TBL1X: variants seen among roughly 807,000 people sequenced by gnomAD.
TBL1X encodes F-box-like/WD repeat-containing protein TBL1X.
TBL1X carries 10 observed loss-of-function variants against 50.7 expected under a neutral mutation model. The observed-to-expected ratio is 0.20, with a 90% CI of 0.12 to 0.33. TBL1X has a LOEUF of 0.33. Ranked by LOEUF, TBL1X falls within the 10% of genes least tolerant of loss-of-function variation. The probability of loss-of-function intolerance (pLI) is 1.00; values close to 1 mark genes in which losing one functional copy is unlikely to be tolerated. For synonymous variants in TBL1X, 190 were observed against 214.7 expected (o/e 0.88, Z 1.01); for missense variants, 340 against 504.4 (o/e 0.67, Z 3.12).
intron 2 of TBL1X, among the ~76,000 whole-genome samples, chrX:9,576,364 G>GGGA (rs1448246603): frequency 8.9e-6 from 1 of 112,319 alleles, no homozygotes; most frequent in Non-Finnish European, 1.9e-5. Context: ...GGGTAACTCT[G>GGGA]GGAGCACAAA....
Position 9,578,280 on chromosome X carries a change from C to T in TBL1X, c.-130-61993C>T, listed in dbSNP as rs144243260. Among the ~76,000 whole-genome samples the T allele has an allele frequency of 8.5e-3, 943 of 111,317 alleles. 6 individuals are homozygous for T. Among genetic ancestry groups the T allele is most frequent in the Non-Finnish European group, 0.013 (681 of 53,071 alleles). ...AGATAAGGCCTCACTCTGTCTCCCA[C>T]GCTGGAGTGCAGTGGCGCAATCAAA... On this transcript the variant is annotated intron_variant, in intron 2 of 17. Transcript: ENST00000645353.
intron 2 of TBL1X, among the ~76,000 whole-genome samples, chrX:9,563,906 A>AT (rs1331895694): frequency 8.9e-6 from 1 of 112,635 alleles, no homozygotes; most frequent in Non-Finnish European, 1.9e-5. Context: ...ATCAAAGTTC[A>AT]TTGTCATGAC....
intron 5 of TBL1X, among the ~76,000 whole-genome samples, chrX:9,655,658 A>G (rs1320784235): frequency 9.0e-6 from 1 of 111,368 alleles, no homozygotes; most frequent in Non-Finnish European, 1.9e-5. Flanking sequence ...GATTGTATAT[A>G]TTCTGGAACT....
chrX:9,690,058 C>T (rs906323064), intron 7 of TBL1X, among the ~76,000 whole-genome samples: 4 of 112,424 alleles, frequency 3.6e-5, no homozygotes, highest in Non-Finnish European at 5.6e-5. Context: ...AAAGCATGCT[C>T]AATTCCTCAC....
chrX:9,539,156 A>G (rs1202522794), intron 2 of TBL1X, among the ~76,000 whole-genome samples: 4 of 112,377 alleles, frequency 3.6e-5, no homozygotes, highest in Admixed American at 9.4e-5. Context: ...ATCTAGGCAC[A>G]TTGCATACTT....
At chrX:9,544,692 A>G (rs2082232692) in intron 2 of TBL1X, among the ~76,000 whole-genome samples, 1 of 111,001 alleles carries the variant, frequency 9.0e-6, no homozygotes, top group Admixed American at 9.6e-5. Flanking sequence ...CCTCCCGAGT[A>G]GCTGGGATTA....
intron 12 of TBL1X, among the ~76,000 whole-genome samples, chrX:9,703,738 C>CT (rs1281187650): frequency 8.9e-6 from 1 of 112,252 alleles, no homozygotes; most frequent in Admixed American, 9.4e-5. Context: ...CCTCGGCTCT[C>CT]TCCCCCTTGT....
At chrX:9,504,399 A>G (rs764566823) in intron 2 of TBL1X, among the ~76,000 whole-genome samples, 104 of 112,168 alleles carry the variant, frequency 9.3e-4, no homozygotes, top group Non-Finnish European at 1.7e-3. Flanking sequence ...TTCTCCTCCA[A>G]ATGATTACAA....
chrX:9,615,082 CTG>C (rs1288603858), intron 2 of TBL1X, among the ~76,000 whole-genome samples: 2 of 111,661 alleles, frequency 1.8e-5, no homozygotes, highest in Non-Finnish European at 3.8e-5. Context: ...TACAAGCACT[CTG>C]GGGTTACCTG....
intron 5 of TBL1X, among the ~76,000 whole-genome samples, chrX:9,671,757 G>GA (rs1436614711): frequency 8.9e-6 from 1 of 112,444 alleles, no homozygotes; most frequent in East Asian, 2.8e-4. Context: ...GGGAGGTTAT[G>GA]AAGGGGCTAA....
intron 2 of TBL1X, among the ~76,000 whole-genome samples, chrX:9,622,227 G>A (rs1033458466): frequency 6.3e-5 from 7 of 110,577 alleles, no homozygotes; most frequent in Non-Finnish European, 1.1e-4. Context: ...CAGTTCAGTG[G>A]CATTAAGTAC....
chrX:9,659,073 C>G (rs775709402), intron 5 of TBL1X, among the ~76,000 whole-genome samples: 5 of 111,546 alleles, frequency 4.5e-5, no homozygotes, highest in African/African-American at 1.3e-4. Context: ...GATCCTCCCC[C>G]CCGGCCTCAT....
chrX:9,644,735 A>T (rs987272881), intron 3 of TBL1X: 1 of 110,372 alleles, frequency 9.1e-6, no homozygotes, highest in Non-Finnish European at 1.9e-5. Context: ...GGGTCGCTGC[A>T]ACCTCCATTT....
intron 5 of TBL1X, among the ~76,000 whole-genome samples, chrX:9,675,609 C>T (rs971731283): frequency 2.7e-5 from 3 of 111,602 alleles, no homozygotes; most frequent in African/African-American, 3.3e-5. Context: ...ACAGGCCAGG[C>T]GCGGTAGCTC....
chrX:9,518,408 C>T (rs5979108), intron 2 of TBL1X, among the ~76,000 whole-genome samples: 1,755 of 112,167 alleles, frequency 0.016, 38 homozygotes, highest in African/African-American at 0.055. Flanking sequence ...CATTTCCACC[C>T]TACTCTCATC....
intron 2 of TBL1X, among the ~76,000 whole-genome samples, chrX:9,620,643 C>T (rs769175634): frequency 8.9e-6 from 1 of 111,931 alleles, no homozygotes; most frequent in Admixed American, 9.4e-5. Context: ...CCAGCACATG[C>T]GAAGGCCAGG....
Position 9,525,714 on chromosome X carries a change from A to C in TBL1X, c.-131+23865A>C, listed in dbSNP as rs372690885. ...CACTTCAGCTGTAATATAAATGTGC[A>C]TTGGTATTTAAGCATATGTGACACA... is the stretch of plus-strand genomic sequence containing the variant. On this transcript the variant is annotated intron_variant, in intron 2 of 17. Coordinates refer to ENST00000645353, the MANE Select transcript of TBL1X (RefSeq NM_005647.4). Among the ~76,000 whole-genome samples, 61 of 112,594 alleles carry C rather than the reference A, an allele frequency of 5.4e-4. No homozygotes were observed. In the South Asian group the frequency reaches 0.022, roughly 41 times the overall value.
intron 1 of TBL1X, among the ~76,000 whole-genome samples, chrX:9,488,019 A>G (rs779448973): frequency 8.9e-6 from 1 of 111,758 alleles, no homozygotes; most frequent in East Asian, 2.8e-4. Context: ...TGTTTGACCA[A>G]AATTACTTTT....
In TBL1X at chrX:9,653,680, C is replaced by T; in HGVS notation, c.94C>T (p.Arg32Ter). The change falls in exon 4 of 18, where the codon CGA (arginine) becomes TGA (stop). Residue 32 changes from arginine to a stop codon, truncating the protein, a stop_gained. Coordinates refer to ENST00000645353, the MANE Select transcript of TBL1X (RefSeq NM_005647.4). LOFTEE classifies it high-confidence loss of function. ...QSVLHHFQRL[R>*]GREGGSHFIN... ...AGTCTTGCACCACTTTCAACGTTTG[C>T]GAGGGAGAGGTACTGCGGTTCCTCA... 3.4e-6 allele frequency: 4 copies of T among 1,169,400 alleles called. No individual in the cohort carries two copies. The highest frequency in any genetic ancestry group is 3.4e-6 in the Non-Finnish European group (3 of 873,708).
Sources: allele counts gnomAD v4.1 joint callset (sites outside exome capture counted in the v4.1 genomes callset), GRCh38; gene constraint gnomAD v4.1.1; transcripts MANE v1.5; gene names NCBI Gene and HGNC (gene_info 2026-07-23, HGNC 2026-07-21).